Variants in CCDC112 observed in about 807,000 individuals in gnomAD.
CCDC112 encodes coiled-coil domain containing 112.
CCDC112 carries 40 observed loss-of-function variants against 66.3 expected under a neutral mutation model. The ratio of observed to expected loss-of-function variants is 0.60; its 90% CI spans 0.47 to 0.79. The LOEUF (loss-of-function observed/expected upper bound fraction) is 0.79. Ranked by LOEUF, CCDC112 falls within the 30% of genes least tolerant of loss-of-function variation. The probability of loss-of-function intolerance (pLI) is 0.00; values close to 1 mark genes in which losing one functional copy is unlikely to be tolerated. For missense variants in CCDC112, 659 were observed against 603.8 expected (o/e 1.09, Z -0.96); for synonymous variants, 214 against 197.2 (o/e 1.09, Z -0.71).
chr5:115,291,024 A>AAAGT (rs1308301730), intron 1 of CCDC112, among the ~76,000 whole-genome samples: 1 of 152,110 alleles, frequency 6.6e-6, no homozygotes, highest in Admixed American at 6.5e-5. Context: ...TTCAGTGAGT[A>AAAGT]AAGTGGTAAG....
intron 2 of CCDC112, among the ~76,000 whole-genome samples, chr5:115,282,086 A>G (rs1749480310): frequency 6.6e-6 from 1 of 152,240 alleles, no homozygotes; most frequent in Admixed American, 6.5e-5. Context: ...TTAAAAAAAG[A>G]TTGAATATAA....
At chr5:115,295,801 T>C (rs879700671) in intron 1 of CCDC112, 16 of 635,840 alleles carry the variant, frequency 2.5e-5, no homozygotes, top group Non-Finnish European at 2.3e-5. Flanking sequence ...CTAAGTGCTA[T>C]GGGGAAAAAT....
intron 2 of CCDC112, among the ~76,000 whole-genome samples, chr5:115,281,713 T>G (rs991123753): frequency 9.2e-5 from 14 of 152,202 alleles, no homozygotes; most frequent in African/African-American, 3.1e-4. Context: ...AATATTAACC[T>G]ATAAGGATAT....
chr5:115,290,559 C>A (rs546985922), intron 1 of CCDC112, among the ~76,000 whole-genome samples: 2 of 152,254 alleles, frequency 1.3e-5, no homozygotes, highest in Admixed American at 6.5e-5. Context: ...TGCACTGAAT[C>A]TGTAAATCAA....
chr5:115,268,819 C>G (rs1417291280), intron 9 of CCDC112, 63 bp downstream of exon 9: 1 of 755,698 alleles, frequency 1.3e-6, no homozygotes, highest in Non-Finnish European at 2.1e-6. Flanking sequence ...ATAGTAAGTG[C>G]ATAAAATATA....
At chr5:115,269,828 A>C in intron 7 of CCDC112, 30 bp from the exon 8 acceptor site, 1 of 1,370,566 alleles carries the variant, frequency 7.3e-7, no homozygotes, top group Non-Finnish European at 9.9e-7. Flanking sequence ...AGCATTAAGA[A>C]AGCATGTGAA....
At chr5:115,290,381 G>A (rs1408944757) in intron 1 of CCDC112, among the ~76,000 whole-genome samples, 2 of 152,060 alleles carry the variant, frequency 1.3e-5, no homozygotes, top group African/African-American at 2.4e-5. Flanking sequence ...CTGTGGCTTT[G>A]AAGTTAAATT....
intron 4 of CCDC112, 31 bp downstream of exon 4, chr5:115,276,934 A>T (rs1237969008): frequency 7.2e-7 from 1 of 1,393,154 alleles, no homozygotes; most frequent in East Asian, 2.3e-5. Context: ...ACTAACACAT[A>T]AGAAAGATTA....
chr5:115,294,675 T>C (rs1211655753), intron 1 of CCDC112, among the ~76,000 whole-genome samples: 1 of 152,180 alleles, frequency 6.6e-6, no homozygotes, highest in African/African-American at 2.4e-5. Flanking sequence ...AAAATACTAG[T>C]TGGTTTCAGT....
At chr5:115,269,649 T>C in intron 8 of CCDC112, 54 bp downstream of exon 8, 1 of 1,244,188 alleles carries the variant, frequency 8.0e-7, no homozygotes, top group Non-Finnish European at 1.1e-6. Flanking sequence ...TCAGTATCCT[T>C]ACAAATCAAG....
At chr5:115,278,660 A>G (rs1051131191) in intron 3 of CCDC112, among the ~76,000 whole-genome samples, 1 of 152,164 alleles carries the variant, frequency 6.6e-6, no homozygotes, top group Non-Finnish European at 1.5e-5. Context: ...GAGGGAAATA[A>G]AGAAATATTG....
intron 3 of CCDC112, chr5:115,277,265 G>T: frequency 2.4e-6 from 1 of 408,518 alleles, no homozygotes; most frequent in Non-Finnish European, 4.4e-6. Context: ...AAGCATAATG[G>T]GTTAAGTCTT....
chr5:115,292,421 G>A (rs1420735765), intron 1 of CCDC112, among the ~76,000 whole-genome samples: 5 of 151,854 alleles, frequency 3.3e-5, no homozygotes, highest in African/African-American at 7.3e-5. Context: ...TTTAGATATG[G>A]TTTCCTTTAG....
intron 1 of CCDC112, among the ~76,000 whole-genome samples, chr5:115,290,330 T>C (rs534007922): frequency 2.0e-5 from 3 of 152,238 alleles, no homozygotes; most frequent in Non-Finnish European, 4.4e-5. Flanking sequence ...TTGATCTATA[T>C]GTCTATTGTC....
intron 1 of CCDC112, chr5:115,295,799 T>C: frequency 1.6e-6 from 1 of 618,130 alleles, no homozygotes; most frequent in Non-Finnish European, 2.0e-6. Flanking sequence ...TACTAAGTGC[T>C]ATGGGGAAAA....
intron 1 of CCDC112, among the ~76,000 whole-genome samples, chr5:115,287,498 A>G (rs1749724458): frequency 6.6e-6 from 1 of 152,142 alleles, no homozygotes; most frequent in Non-Finnish European, 1.5e-5. Flanking sequence ...TACTCATGCT[A>G]AGTGCCACAT....
intron 1 of CCDC112, among the ~76,000 whole-genome samples, chr5:115,291,963 T>G (rs1204023774): frequency 6.6e-6 from 1 of 152,228 alleles, no homozygotes; most frequent in Non-Finnish European, 1.5e-5. Flanking sequence ...TATTACGATG[T>G]GTCTAGATAT....
chr5:115,295,512 T>C (rs1750112385), intron 1 of CCDC112, among the ~76,000 whole-genome samples: 1 of 152,232 alleles, frequency 6.6e-6, no homozygotes, highest in Admixed American at 6.5e-5. Context: ...AAAGACACTG[T>C]ATTTCCTTAA....
Position 115,271,665 on chromosome 5 carries a change from AG to A in CCDC112, c.919-40del, listed in dbSNP as rs201799101. 2,866 of 1,375,692 alleles carry A rather than the reference AG, an allele frequency of 2.1e-3. 50 individuals are homozygous for A. In the African/African-American group the frequency reaches 0.037, roughly 18 times the overall value. The allele number at this position is 1,375,692 out of a possible 1,614,324, so 85.2% of individuals were successfully genotyped here. ...TTAAAAAAAGAAAGCAAGAGAAAAA[AG>A]TTTTTTAATAGCCAAAAGTATTTTA... On this transcript the variant is annotated intron_variant, in intron 6 of 9. Transcript: ENST00000379611.
Sources: gnomAD v4.1 joint callset for allele counts (sites outside exome capture counted in the v4.1 genomes callset) on GRCh38, gnomAD v4.1.1 for gene constraint, MANE v1.5 for transcripts, NCBI Gene and HGNC (gene_info 2026-07-23, HGNC 2026-07-21) for gene names.